ME1: variants seen among roughly 807,000 people sequenced by gnomAD.
The protein encoded by ME1 is NADP-dependent malic enzyme.
Under a neutral mutation model 66.4 loss-of-function variants are expected in ME1, and 74 were observed. That is an observed-to-expected ratio of 1.11 (90% confidence interval 0.92 to 1.35). The LOEUF (loss-of-function observed/expected upper bound fraction) is 1.35, where lower values mean the gene tolerates loss of function less well. Among genes scored for constraint, ME1 ranks in the 40% most tolerant of loss-of-function variants. ME1 has a pLI of 0.00. For synonymous variants in ME1, 251 were observed against 235.6 expected, an observed-to-expected ratio of 1.07 and a Z score of -0.60; for missense variants, 750 against 694.1, an observed-to-expected ratio of 1.08 and a Z score of -0.90.
At chr6:83,259,815 T>C (rs1326798708) in intron 6 of ME1, among the ~76,000 whole-genome samples, 6 of 151,636 alleles carry the variant, frequency 4.0e-5, no homozygotes, top group Admixed American at 3.9e-4. Context: ...TTTATTATAT[T>C]TTACTGTTAC....
chr6:83,397,952 C>T (rs767479375), intron 3 of ME1, among the ~76,000 whole-genome samples: 2 of 152,012 alleles, frequency 1.3e-5, no homozygotes, highest in African/African-American at 4.8e-5. Flanking sequence ...AAGAGAAGAA[C>T]GGTAGTTACC....
At chr6:83,225,202 T>C (rs1407302121) in intron 11 of ME1, among the ~76,000 whole-genome samples, 2 of 90,350 alleles carry the variant, frequency 2.2e-5, no homozygotes, top group African/African-American at 4.7e-5. Flanking sequence ...CGAGACTCCA[T>C]CTCAAAAAAA....
chr6:83,359,777 C>T (rs1283953965), intron 3 of ME1, among the ~76,000 whole-genome samples: 1 of 152,150 alleles, frequency 6.6e-6, no homozygotes, highest in East Asian at 1.9e-4. Flanking sequence ...GTGAGGGTAG[C>T]ACCTACATCT....
intron 6 of ME1, among the ~76,000 whole-genome samples, chr6:83,254,395 A>G (rs1790769613): frequency 6.6e-6 from 1 of 152,236 alleles, no homozygotes; most frequent in East Asian, 1.9e-4. Context: ...CTGATGAAAC[A>G]TTCATGAAGG....
intron 5 of ME1, among the ~76,000 whole-genome samples, chr6:83,341,486 AC>A (rs1378433296): frequency 2.0e-5 from 3 of 151,810 alleles, no homozygotes; most frequent in Non-Finnish European, 4.4e-5. Context: ...ATACCTGTAA[AC>A]TCTGTAGTTT....
intron 6 of ME1, among the ~76,000 whole-genome samples, chr6:83,261,277 A>G (rs1766882243): frequency 6.6e-6 from 1 of 151,870 alleles, no homozygotes; most frequent in South Asian, 2.1e-4. Context: ...GTGTCTCTTC[A>G]TGTTCTTTGC....
intron 6 of ME1, among the ~76,000 whole-genome samples, chr6:83,271,102 T>C (rs570041181): frequency 6.6e-6 from 1 of 151,648 alleles, no homozygotes; most frequent in African/African-American, 2.4e-5. Context: ...TAATATAAAA[T>C]GAAAAGGTCT....
At chr6:83,409,914 C>T (rs1770018537) in intron 1 of ME1, among the ~76,000 whole-genome samples, 1 of 152,234 alleles carries the variant, frequency 6.6e-6, no homozygotes. Context: ...AGAATGGTCT[C>T]TTTCCAAGAG....
chr6:83,402,026 C>T (rs1443267767), intron 2 of ME1, among the ~76,000 whole-genome samples: 1 of 152,180 alleles, frequency 6.6e-6, no homozygotes, highest in Non-Finnish European at 1.5e-5. Flanking sequence ...TCATGGTATT[C>T]CACACAGCAT....
At chr6:83,375,174 A>G (rs541964219) in intron 3 of ME1, among the ~76,000 whole-genome samples, 2 of 152,262 alleles carry the variant, frequency 1.3e-5, no homozygotes, top group East Asian at 3.9e-4. Flanking sequence ...GAATCTATAA[A>G]TTACTTTGGG....
intron 3 of ME1, among the ~76,000 whole-genome samples, chr6:83,386,227 C>T (rs1769500699): frequency 6.6e-6 from 1 of 151,764 alleles, no homozygotes; most frequent in Middle Eastern, 3.2e-3. Context: ...TTTCTGGAAG[C>T]ATTAAAAGCT....
At chr6:83,255,293 T>C (rs1766745792) in intron 6 of ME1, among the ~76,000 whole-genome samples, 1 of 151,952 alleles carries the variant, frequency 6.6e-6, no homozygotes, top group African/African-American at 2.4e-5. Flanking sequence ...TTTTCTTTAT[T>C]ATTTCATTAA....
chr6:83,373,925 A>G (rs1769240336), intron 3 of ME1, among the ~76,000 whole-genome samples: 1 of 152,158 alleles, frequency 6.6e-6, no homozygotes, highest in Admixed American at 6.5e-5. Context: ...CATGTCCCTG[A>G]AAAGGCCATT....
chr6:83,423,132 T>C (rs1292234177), intron 1 of ME1, among the ~76,000 whole-genome samples: 3 of 150,094 alleles, frequency 2.0e-5, no homozygotes, highest in Non-Finnish European at 4.4e-5. Context: ...TACAAACATA[T>C]ATCAACTTGA....
At position 83,352,145 on chromosome 6, in the gene ME1, G is replaced by GA. The variant is rs35778458; in HGVS notation, c.363-7dup. On this transcript the variant is annotated splice_region_variant and splice_polypyrimidine_tract_variant and intron_variant, in intron 3 of 13. Transcript: ENST00000369705. Reference sequence around the variant, plus strand: ...GGATAGTAATAAAGAGACCTCTGCAGAAAAAAAAAAAAAAAAAGGAGTAGT... The same window carrying GA: ...GGATAGTAATAAAGAGACCTCTGCAGAAAAAAAAAAAAAAAAAAGGAGTAGT... 0.13 allele frequency: 121,007 copies of GA among 928,064 alleles called. 395 individuals are homozygous for GA. The highest frequency in any genetic ancestry group is 0.18 in the African/African-American group (8,105 of 44,736). 57.5% of individuals were successfully genotyped at this position (928,064 alleles called of 1,614,324 possible).
rs116436501 is a variant in ME1 at position 83,383,796 on chromosome 6, G to A, written c.362+14571C>T. ...AAGATCAGGGTTTATACTGTTAAAT[G>A]AGAAACTTCTTTGCTTAGAAAAAAA... On this transcript the variant is annotated intron_variant, in intron 3 of 13. Coordinates refer to ENST00000369705, the MANE Select transcript of ME1 (RefSeq NM_002395.6). Among the ~76,000 whole-genome samples, 1,002 of 151,860 alleles carry A rather than the reference G, an allele frequency of 6.6e-3. 21 individuals are homozygous for A. The highest frequency in any genetic ancestry group is 0.023 in the African/African-American group (949 of 41,338).
intron 12 of ME1, among the ~76,000 whole-genome samples, chr6:83,222,840 TCA>T (rs775397203): frequency 6.6e-6 from 1 of 152,204 alleles, no homozygotes; most frequent in Non-Finnish European, 1.5e-5. Flanking sequence ...CTCAGATCTT[TCA>T]CAGTTTCATG....
At chr6:83,364,117 C>T (rs1769054566) in intron 3 of ME1, among the ~76,000 whole-genome samples, 1 of 151,866 alleles carries the variant, frequency 6.6e-6, no homozygotes, top group South Asian at 2.1e-4. Flanking sequence ...AGTCAGTGGG[C>T]TGGGAAAGGC....
chr6:83,378,003 C>G (rs773776555), intron 3 of ME1, among the ~76,000 whole-genome samples: 13 of 152,012 alleles, frequency 8.6e-5, no homozygotes, highest in Non-Finnish European at 1.5e-4. Flanking sequence ...AAGATTTACT[C>G]TGTTTTCTCT....
Sources: allele counts gnomAD v4.1 joint callset (sites outside exome capture counted in the v4.1 genomes callset), GRCh38; gene constraint gnomAD v4.1.1; transcripts MANE v1.5; gene names NCBI Gene and HGNC (gene_info 2026-07-23, HGNC 2026-07-21).